The following ZNF280D variants were observed in gnomAD, a reference collection of about 807,000 sequenced individuals.
ZNF280D encodes the protein suppressor of hairy wing homolog 4.
A neutral mutation model predicts 94.7 loss-of-function variants in ZNF280D; 39 were observed. The ratio of observed to expected loss-of-function variants is 0.41; its 90% CI spans 0.32 to 0.54. The LOEUF is 0.54. ZNF280D is among the 20% of genes least tolerant of loss of function. The pLI, the probability that ZNF280D is intolerant of heterozygous loss-of-function variation, is 0.22. For synonymous variants in ZNF280D, 398 were observed against 377.6 expected (o/e 1.05, Z -0.63); for missense variants, 1,090 against 1,149.3 (o/e 0.95, Z 0.75).
At chr15:56,704,386 T>A (rs2057274214) in intron 3 of ZNF280D, 119 bp from the exon 4 acceptor site, 2 of 983,298 alleles carry the variant, frequency 2.0e-6, no homozygotes, top group Non-Finnish European at 3.0e-6. Flanking sequence ...AATTTCTGAA[T>A]TGATATTTGT....
In ZNF280D at chr15:56,635,269, C is replaced by T. The variant is rs367648330; in HGVS notation, c.2260-19G>A. ...CAATTTCCTGAAATAATTAATAATA[C>T]TTTTCTTTTACATTCACAGTTAATC... On this transcript the variant is annotated intron_variant, in intron 20 of 21. Coordinates refer to ENST00000267807, the MANE Select transcript of ZNF280D (RefSeq NM_017661.4). 14 of 1,435,294 alleles carry T rather than the reference C, an allele frequency of 9.8e-6. No homozygotes were observed. The African/African-American group carries it at 1.9e-4, about 20-fold the overall frequency. The allele number at this position is 1,435,294 out of a possible 1,614,324, so 88.9% of individuals were successfully genotyped here.
intron 14 of ZNF280D, among the ~76,000 whole-genome samples, chr15:56,667,500 C>T (rs182758785): frequency 2.6e-5 from 4 of 152,242 alleles, no homozygotes; most frequent in African/African-American, 7.2e-5. Context: ...ATTTATTATA[C>T]TGCATAGAGG....
chr15:56,733,229 G>A (rs1366251938), intron 1 of ZNF280D, among the ~76,000 whole-genome samples: 2 of 152,218 alleles, frequency 1.3e-5, no homozygotes, highest in South Asian at 2.1e-4. Flanking sequence ...AGCCGAGGCG[G>A]CTGCCGCGTC....
At chr15:56,679,067 T>C (rs1045459109) in intron 10 of ZNF280D, among the ~76,000 whole-genome samples, 4 of 152,168 alleles carry the variant, frequency 2.6e-5, no homozygotes, top group Admixed American at 6.5e-5. Flanking sequence ...ATCAACAATT[T>C]GATATAACTC....
rs113701329 is a variant in ZNF280D at position 56,720,979 on chromosome 15, G to C, written c.-86+12479C>G. Among the ~76,000 whole-genome samples the C allele has an allele frequency of 1.9e-4, 23 of 123,830 alleles. No homozygotes were observed. In the East Asian group the frequency reaches 2.0e-3, roughly 11 times the overall value. 81.2% of individuals were successfully genotyped at this position (123,830 alleles called of 152,430 possible). A position where few individuals can be genotyped will look rare whatever the true frequency, so the allele number is the denominator to read the frequency against. ...GATTTAGCATTTTTTTTGGGGGGGG[G>C]GGGGACAGAGTCTCGCTCCATTGAC... is the stretch of plus-strand genomic sequence containing the variant. On this transcript the variant is annotated intron_variant, in intron 1 of 21. Coordinates refer to ENST00000267807, the MANE Select transcript of ZNF280D (RefSeq NM_017661.4).
intron 19 of ZNF280D, chr15:56,652,667 T>C (rs1247975515): frequency 1.0e-6 from 1 of 985,368 alleles, no homozygotes; most frequent in Non-Finnish European, 1.2e-6. Flanking sequence ...GCTACATTAA[T>C]GGCTAAGTAG....
rs57017142 is a variant in ZNF280D at position 56,694,294 on chromosome 15, TACACACACAC to T, written c.382-1089_382-1080del. Among the ~76,000 whole-genome samples, 990 of 138,498 alleles carry T rather than the reference TACACACACAC, an allele frequency of 7.1e-3. 8 individuals carry two copies. Among genetic ancestry groups the T allele is most frequent in the Middle Eastern group, 0.035 (10 of 286 alleles). 90.9% of individuals were successfully genotyped at this position (138,498 alleles called of 152,430 possible). A position where few individuals can be genotyped will look rare whatever the true frequency, so the allele number is the denominator to read the frequency against. On this transcript the variant is annotated intron_variant, in intron 6 of 21. Transcript: ENST00000267807. Reference sequence around the variant, plus strand: ...ATTATACATTAAATATAATGACACATACACACACACACACACACACACACACACACACACA... The same window carrying T: ...ATTATACATTAAATATAATGACACATACACACACACACACACACACACACA...
intron 19 of ZNF280D, among the ~76,000 whole-genome samples, chr15:56,646,185 A>G (rs912316237): frequency 6.6e-6 from 1 of 152,158 alleles, no homozygotes; most frequent in Non-Finnish European, 1.5e-5. Context: ...ATGCTTTGGG[A>G]GGCCAAAATG....
chr15:56,706,830 T>C (rs770358832), intron 3 of ZNF280D, among the ~76,000 whole-genome samples: 2 of 152,186 alleles, frequency 1.3e-5, no homozygotes, highest in South Asian at 2.1e-4. Context: ...TTTTTGTCTA[T>C]GTACAGAAGA....
intron 19 of ZNF280D, chr15:56,653,219 G>GCTCT: frequency 9.0e-7 from 1 of 1,106,644 alleles, no homozygotes; most frequent in Non-Finnish European, 1.1e-6. Flanking sequence ...TCATGCTAGA[G>GCTCT]AAAGATTTAA....
chr15:56,668,801 A>C (rs2054476750), intron 14 of ZNF280D, 22 bp downstream of exon 14: 2 of 1,564,936 alleles, frequency 1.3e-6, no homozygotes, highest in East Asian at 4.6e-5. Context: ...AAAATGTTAA[A>C]ATACAATATA....
In ZNF280D at chr15:56,678,747, C is replaced by T; in HGVS notation, c.1079G>A (p.Cys360Tyr). ...GGGAAACTGACGGTAGCAGTGCTGG[C>T]AGGTGGTATGGTTTTCCCAGCTCTC... ...SSESWENHTT[C>Y]QHCYRQFPTP... Residue 360 changes from cysteine (C) to tyrosine (Y), a missense_variant, in exon 11 of 22, where the codon TGC (cysteine) becomes TAC (tyrosine). By Grantham distance (194) the Cys-to-Tyr change is radical. Coordinates refer to ENST00000267807, the MANE Select transcript of ZNF280D (RefSeq NM_017661.4). 6.2e-7 allele frequency: 1 copy of T among 1,613,200 alleles called. No homozygotes were observed. The highest frequency in any genetic ancestry group is 8.5e-7 in the Non-Finnish European group (1 of 1,179,520).
At chr15:56,694,191 T>C (rs754491388) in intron 6 of ZNF280D, among the ~76,000 whole-genome samples, 32 of 152,030 alleles carry the variant, frequency 2.1e-4, no homozygotes, top group Non-Finnish European at 3.2e-4. Flanking sequence ...TATAAAGTTA[T>C]ATATGAGCAT....
intron 20 of ZNF280D, among the ~76,000 whole-genome samples, chr15:56,639,960 G>C (rs751587386): frequency 1.3e-5 from 2 of 152,118 alleles, no homozygotes; most frequent in Middle Eastern, 6.8e-3. Flanking sequence ...TCACTCCCCA[G>C]CGATTTTTTT....
intron 1 of ZNF280D, among the ~76,000 whole-genome samples, chr15:56,729,255 A>G (rs545488416): frequency 7.6e-4 from 116 of 152,242 alleles, no homozygotes; most frequent in Non-Finnish European, 1.3e-3. Flanking sequence ...TGTCAGACAT[A>G]TAACTTGTGA....
At chr15:56,635,152 G>T in intron 21 of ZNF280D, 43 bp downstream of exon 21, 3 of 1,252,578 alleles carry the variant, frequency 2.4e-6, no homozygotes, top group Non-Finnish European at 3.3e-6. Flanking sequence ...GTGTTATTTT[G>T]TATACTTGAA....
chr15:56,715,936 A>T (rs1452791879), intron 1 of ZNF280D, among the ~76,000 whole-genome samples: 1 of 152,180 alleles, frequency 6.6e-6, no homozygotes, highest in Non-Finnish European at 1.5e-5. Flanking sequence ...CCTTTAAAAA[A>T]TATATAACAA....
intron 7 of ZNF280D, among the ~76,000 whole-genome samples, chr15:56,690,110 C>T (rs1170828288): frequency 6.6e-5 from 10 of 152,130 alleles, no homozygotes; most frequent in African/African-American, 7.2e-5. Flanking sequence ...AGGCCAGGCA[C>T]GGTGGCTCAC....
chr15:56,706,584 C>T (rs1207542871), intron 3 of ZNF280D, among the ~76,000 whole-genome samples: 1 of 152,066 alleles, frequency 6.6e-6, no homozygotes, highest in Non-Finnish European at 1.5e-5. Flanking sequence ...TCAATCCTAA[C>T]GACACCTTCA....
Sources: gnomAD v4.1 joint callset for allele counts (sites outside exome capture counted in the v4.1 genomes callset) on GRCh38, gnomAD v4.1.1 for gene constraint, MANE v1.5 for transcripts, NCBI Gene and HGNC (gene_info 2026-07-23, HGNC 2026-07-21) for gene names.